The following GRID2 variants were observed in gnomAD, a reference collection of about 807,000 sequenced individuals.
GRID2 encodes the protein glutamate ionotropic receptor delta type subunit 2.
Under a neutral mutation model 114.8 loss-of-function variants are expected in GRID2, and 33 were observed. That is an observed-to-expected ratio of 0.29 (90% confidence interval 0.22 to 0.38). The LOEUF (loss-of-function observed/expected upper bound fraction) is 0.38. Among genes scored for constraint, GRID2 ranks in the 10% least tolerant of loss-of-function variants. The pLI is 1.00. For synonymous variants in GRID2, 505 were observed against 449.9 expected, an observed-to-expected ratio of 1.12 and a Z score of -1.55; for missense variants, 1,184 against 1,257.7, an observed-to-expected ratio of 0.94 and a Z score of 0.89.
intron 2 of GRID2, among the ~76,000 whole-genome samples, chr4:92,597,720 T>C (rs986806196): frequency 1.3e-5 from 2 of 152,190 alleles, no homozygotes; most frequent in African/African-American, 4.8e-5. Flanking sequence ...GGTAACATAA[T>C]TCACTTTTAA....
intron 2 of GRID2, among the ~76,000 whole-genome samples, chr4:92,654,543 T>G (rs1185227078): frequency 1.3e-5 from 2 of 152,166 alleles, no homozygotes; most frequent in South Asian, 4.1e-4. Context: ...AATAAGAGTT[T>G]CCTTTTCTCT....
chr4:93,774,820 G>A (rs1037947950), downstream of GRID2, among the ~76,000 whole-genome samples: 1 of 151,872 alleles, frequency 6.6e-6, no homozygotes, highest in Non-Finnish European at 1.5e-5. Flanking sequence ...ATGTCTCTGT[G>A]AGCACTTTTT....
intron 1 of GRID2, among the ~76,000 whole-genome samples, chr4:92,442,435 T>TG (rs1246452888): frequency 6.6e-6 from 1 of 151,480 alleles, no homozygotes; most frequent in East Asian, 2.0e-4. Context: ...GCAAGCTCCT[T>TG]GGGGAGGAGG....
chr4:92,562,569 C>T (rs1434694811), intron 1 of GRID2, among the ~76,000 whole-genome samples: 2 of 152,044 alleles, frequency 1.3e-5, no homozygotes, highest in African/African-American at 2.4e-5. Context: ...TTCTGCATTG[C>T]CTGCTTTATG....
intron 2 of GRID2, among the ~76,000 whole-genome samples, chr4:92,845,252 TTTTTTGGTTTG>T (rs1743225471): frequency 6.6e-6 from 1 of 152,134 alleles, no homozygotes; most frequent in Non-Finnish European, 1.5e-5. Context: ...TCTTGGTTTA[TTTTTTGGTTTG>T]TTTTTGATGC....
intron 14 of GRID2, among the ~76,000 whole-genome samples, chr4:93,662,689 T>C (rs11097383): frequency 0.12 from 18,740 of 152,142 alleles, 1,321 homozygotes; most frequent in East Asian, 0.17. Flanking sequence ...GGGAGCAATG[T>C]TTGTAGTAGC....
At chr4:92,822,331 GAC>G (rs1741345906) in intron 2 of GRID2, 1 of 626,032 alleles carries the variant, frequency 1.6e-6, no homozygotes, top group Non-Finnish European at 3.1e-6. Context: ...CATCTGGAGA[GAC>G]AGTCACAGTG....
intron 2 of GRID2, among the ~76,000 whole-genome samples, chr4:93,047,819 G>A (rs926179258): frequency 6.6e-6 from 1 of 151,464 alleles, no homozygotes; most frequent in Non-Finnish European, 1.5e-5. Flanking sequence ...GTTGACCCCA[G>A]GTAGATGAAT....
At chr4:93,727,382 G>C (rs542710193) in intron 14 of GRID2, among the ~76,000 whole-genome samples, 1 of 152,104 alleles carries the variant, frequency 6.6e-6, no homozygotes, top group Admixed American at 6.5e-5. Context: ...GCTGGATTCG[G>C]TTTGCCAGTA....
chr4:93,191,230 T>C (rs1309164258), intron 4 of GRID2, among the ~76,000 whole-genome samples: 1 of 152,084 alleles, frequency 6.6e-6, no homozygotes, highest in African/African-American at 2.4e-5. Flanking sequence ...GTACTGGTAG[T>C]ATGTATGATG....
chr4:92,598,405 C>A (rs1729052462), intron 2 of GRID2, among the ~76,000 whole-genome samples: 1 of 152,062 alleles, frequency 6.6e-6, no homozygotes. Context: ...CATTATAGTA[C>A]TATTTTTAAA....
chr4:93,755,080 C>T (rs1375555223), intron 14 of GRID2, among the ~76,000 whole-genome samples: 2 of 152,164 alleles, frequency 1.3e-5, no homozygotes, highest in African/African-American at 4.8e-5. Flanking sequence ...TGAACTTGCA[C>T]AGGAATGGTG....
chr4:93,624,335 C>T (rs557434541), intron 13 of GRID2, among the ~76,000 whole-genome samples: 8 of 152,136 alleles, frequency 5.3e-5, no homozygotes, highest in African/African-American at 1.9e-4. Flanking sequence ...AGTTTTGTTT[C>T]CATCCTTTTT....
chr4:93,055,781 T>A (rs1727173357), intron 2 of GRID2, among the ~76,000 whole-genome samples: 1 of 151,974 alleles, frequency 6.6e-6, no homozygotes, highest in Non-Finnish European at 1.5e-5. Context: ...GGTAGCATGA[T>A]CTTAGGACTT....
intron 1 of GRID2, among the ~76,000 whole-genome samples, chr4:92,501,091 G>C (rs1723661347): frequency 6.6e-6 from 1 of 152,112 alleles, no homozygotes; most frequent in Non-Finnish European, 1.5e-5. Context: ...CTCTCAGGAG[G>C]GGTGTTGGTT....
chr4:93,619,650 G>C (rs748812166), intron 13 of GRID2, among the ~76,000 whole-genome samples: 4 of 152,182 alleles, frequency 2.6e-5, no homozygotes, highest in Non-Finnish European at 5.9e-5. Context: ...CTAAGAATCA[G>C]AAATGCTTAG....
At chr4:92,432,318 C>T (rs2110342579) in intron 1 of GRID2, among the ~76,000 whole-genome samples, 1 of 152,234 alleles carries the variant, frequency 6.6e-6, no homozygotes, top group Non-Finnish European at 1.5e-5. Context: ...AGGCTGGTGT[C>T]CTTTCCTTCA....
At chr4:93,201,167 T>C (rs1742069594) in intron 4 of GRID2, among the ~76,000 whole-genome samples, 1 of 152,216 alleles carries the variant, frequency 6.6e-6, no homozygotes, top group South Asian at 2.1e-4. Context: ...TATATTAATA[T>C]GATTTTTATG....
At chr4:92,510,677 A>G (rs1231914272) in intron 1 of GRID2, among the ~76,000 whole-genome samples, 7 of 151,820 alleles carry the variant, frequency 4.6e-5, no homozygotes, top group South Asian at 2.1e-4. Context: ...ATGGTTAACA[A>G]TAAGTCATAG....
Sources: gnomAD v4.1 joint callset for allele counts (sites outside exome capture counted in the v4.1 genomes callset) on GRCh38, gnomAD v4.1.1 for gene constraint, MANE v1.5 for transcripts, NCBI Gene and HGNC (gene_info 2026-07-23, HGNC 2026-07-21) for gene names.